The following ESR2 variants were observed in gnomAD, a reference collection of about 807,000 sequenced individuals.
ESR2 encodes the protein estrogen receptor beta.
In ESR2, 36 loss-of-function variants were observed where a neutral mutation model predicts 49.6. The observed-to-expected ratio is 0.73, with a 90% CI of 0.56 to 0.96. ESR2 has a LOEUF of 0.96. ESR2 is among the 40% of genes least tolerant of loss of function. The pLI is 0.00. For synonymous variants in ESR2, 320 were observed against 266.1 expected, an observed-to-expected ratio of 1.20 and a Z score of -1.97; for missense variants, 714 against 693.0, an observed-to-expected ratio of 1.03 and a Z score of -0.34.
In ESR2 at chr14:64,231,535, C is replaced by G. The variant is rs2098727244; in HGVS notation, c.*1602G>C. On this transcript the variant is annotated 3_prime_UTR_variant, in exon 9 of 9. Coordinates refer to ENST00000341099, the MANE Select transcript of ESR2 (RefSeq NM_001437.3). ...TCCAAGCATTTCTGAAACAGCTAAG[C>G]TCAACTTATAGTAAAATTGCACCAA... 1 of 152,210 alleles carries G rather than the reference C, an allele frequency of 6.6e-6. No homozygotes were observed. The highest frequency in any genetic ancestry group is 6.5e-5 in the Admixed American group (1 of 15,280). The allele number at this position is 152,210 out of a possible 1,614,324, so 9.4% of individuals were successfully genotyped here. A position where few individuals can be genotyped will look rare whatever the true frequency, so the allele number is the denominator to read the frequency against.
Position 64,254,068 on chromosome 14 carries a change from T to C in ESR2, c.1091+3158A>G, listed in dbSNP as rs2076048370. Among the ~76,000 whole-genome samples the C allele has an allele frequency of 2.0e-5, 3 of 152,256 alleles. No individual in the cohort carries two copies. The South Asian group carries it at 6.2e-4, about 32-fold the overall frequency. ...CTGAAGTAATGAGATTTTCCTCTCA[T>C]CCTCAGTAGACACAAGTTTTCTTGT... On this transcript the variant is annotated intron_variant, in intron 6 of 8. Transcript: ENST00000341099.
intron 3 of ESR2, among the ~76,000 whole-genome samples, chr14:64,272,110 G>T (rs1314506826): frequency 2.0e-5 from 3 of 152,138 alleles, no homozygotes; most frequent in Admixed American, 6.5e-5. Flanking sequence ...GGGTAAGATG[G>T]TATCTCATTG....
At chr14:64,253,986 T>C (rs2076046761) in intron 6 of ESR2, among the ~76,000 whole-genome samples, 1 of 152,280 alleles carries the variant, frequency 6.6e-6, no homozygotes, top group Middle Eastern at 3.4e-3. Flanking sequence ...GATCTTCACG[T>C]GAATTTATGA....
rs779443173 is a variant in ESR2 at position 64,280,091 on chromosome 14, G to A, written c.425C>T (p.Ser142Leu). Residue 142 changes from serine to leucine, a missense_variant, in exon 3 of 9, where the codon TCA (serine) becomes TTA (leucine). Transcript: ENST00000341099. The part of the protein sequence containing the change: ...RCASPVTGPG[S>L]KRDAHFCAVC... The stretch of plus-strand genomic sequence containing the variant: ...AGCGCAGAAGTGAGCATCCCTCTTT[G>A]AACCTGGACCAGTAACAGGGCTGGC... 2.5e-6 allele frequency: 4 copies of A among 1,614,002 alleles called. No individual in the cohort carries two copies. The highest frequency in any genetic ancestry group is 3.4e-6 in the Non-Finnish European group (4 of 1,179,924).
Position 64,244,936 on chromosome 14 carries a change from G to A in ESR2, c.1225+4610C>T, listed in dbSNP as rs376504515. 4.5e-4 allele frequency among the ~76,000 whole-genome samples: 69 copies of A among 152,262 alleles called. 1 individual carries two copies. The South Asian group carries it at 5.0e-3, about 11-fold the overall frequency. On this transcript the variant is annotated intron_variant, in intron 7 of 8. Transcript: ENST00000341099. ...ACTGGACAATCAAAGGGCTCTCCTC[G>A]TTTGTGTCCCTCCTCCTGGGGATCA...
chr14:64,241,132 C>T (rs575057080), intron 7 of ESR2, among the ~76,000 whole-genome samples: 3 of 115,252 alleles, frequency 2.6e-5, no homozygotes, highest in East Asian at 3.4e-4. Flanking sequence ...GGCCACAGAG[C>T]GAGACTCCGT....
chr14:64,233,537 A>T, intron 8 of ESR2: 1 of 553,606 alleles, frequency 1.8e-6, no homozygotes, highest in Non-Finnish European at 3.2e-6. Context: ...GTGTCCCACC[A>T]CACACCTACA....
chr14:64,291,330 C>A (rs1306893800), intron 1 of ESR2, among the ~76,000 whole-genome samples: 1 of 152,194 alleles, frequency 6.6e-6, no homozygotes, highest in African/African-American at 2.4e-5. Flanking sequence ...TACACCCACA[C>A]AAAGATTCTC....
intron 1 of ESR2, among the ~76,000 whole-genome samples, chr14:64,304,257 A>G (rs2077062556): frequency 6.6e-6 from 1 of 152,096 alleles, no homozygotes; most frequent in South Asian, 2.1e-4. Context: ...GCAGTGAGCT[A>G]TGACTGCCAC....
At chr14:64,326,022 G>T (rs1310331727) in intron 1 of ESR2, among the ~76,000 whole-genome samples, 1 of 150,548 alleles carries the variant, frequency 6.6e-6, no homozygotes, top group Non-Finnish European at 1.5e-5. Flanking sequence ...CCTAACCCCA[G>T]ATTATTAAAG....
At chr14:64,284,691 C>G (rs923862116) in intron 1 of ESR2, among the ~76,000 whole-genome samples, 2 of 152,228 alleles carry the variant, frequency 1.3e-5, no homozygotes, top group East Asian at 1.9e-4. Context: ...CCACTCATTT[C>G]CTATTTGTGT....
chr14:64,291,547 T>A (rs962993563), intron 1 of ESR2, among the ~76,000 whole-genome samples: 3 of 152,224 alleles, frequency 2.0e-5, no homozygotes, highest in African/African-American at 4.8e-5. Flanking sequence ...ATTTTATATA[T>A]ATATATGTTA....
Position 64,248,341 on chromosome 14 carries a change from C to CA in ESR2, c.1225+1204dup, listed in dbSNP as rs55687630. Among the ~76,000 whole-genome samples, 13 of 150,274 alleles carry CA rather than the reference C, an allele frequency of 8.7e-5. No homozygotes were observed. In the South Asian group the frequency reaches 1.1e-3, roughly 12 times the overall value. ...GCAACACAGCAAGATTCTGTCTCTA[C>CA]AAAAAAAAATTGTTTTAATTAACCA... On this transcript the variant is annotated intron_variant, in intron 7 of 8. Transcript: ENST00000341099.
rs1012298323 is a variant in ESR2, at chr14:64,228,816, A to C, written c.*4321T>G. 4.0e-5 allele frequency among the ~76,000 whole-genome samples: 6 copies of C among 151,850 alleles called. No individual in the cohort carries two copies. The highest frequency in any genetic ancestry group is 1.3e-4 in the Admixed American group (2 of 15,268). Reference sequence around the variant, plus strand: ...AAAAACAAACAAACAAACAAACAAAAAACCTCCCTGACTCCAAAGCAACAA... The same window carrying C: ...AAAAACAAACAAACAAACAAACAAACAACCTCCCTGACTCCAAAGCAACAA... On this transcript the variant is annotated 3_prime_UTR_variant, in exon 9 of 9. Transcript: ENST00000341099.
At chr14:64,227,645 T>G, downstream of ESR2, 1 of 1,613,346 alleles carries the variant, frequency 6.2e-7, no homozygotes, top group Non-Finnish European at 8.5e-7. Context: ...AAGTCAAAGT[T>G]GCAGTGAAAG....
intron 4 of ESR2, among the ~76,000 whole-genome samples, chr14:64,266,640 T>TAAA (rs2076335099): frequency 6.6e-6 from 1 of 152,230 alleles, no homozygotes; most frequent in Non-Finnish European, 1.5e-5. Flanking sequence ...GCTTTCTCTT[T>TAAA]AAGCATCTGG....
At position 64,233,325 on chromosome 14, in the gene ESR2, T is replaced by C. The variant is rs756019413; in HGVS notation, c.1407-2A>G. On this transcript the variant is annotated splice_acceptor_variant, in intron 8 of 8. Coordinates refer to ENST00000341099, the MANE Select transcript of ESR2 (RefSeq NM_001437.3). LOFTEE classifies it high-confidence loss of function. ...AGCAGATGTTCCATGCCCTTGTTACTATGGGGACAAAAAGGTGCTGAGATT... is the reference window on the plus strand; with the variant it reads ...AGCAGATGTTCCATGCCCTTGTTACCATGGGGACAAAAAGGTGCTGAGATT... 1 of 1,606,978 alleles carries C rather than the reference T, an allele frequency of 6.2e-7. No homozygotes were observed. The highest frequency in any genetic ancestry group is 8.5e-7 in the Non-Finnish European group (1 of 1,174,002).
chr14:64,327,835 C>A (rs1387438893), intron 1 of ESR2, among the ~76,000 whole-genome samples: 1 of 151,904 alleles, frequency 6.6e-6, no homozygotes, highest in Non-Finnish European at 1.5e-5. Flanking sequence ...CACCACTGCA[C>A]TCCAGCCTGG....
In ESR2 at chr14:64,233,045, A is replaced by G. The variant is rs2098728757; in HGVS notation, c.*92T>C. On this transcript the variant is annotated 3_prime_UTR_variant, in exon 9 of 9. Transcript: ENST00000341099. ...CTGCCATCACCAAATGAGGGACCAC[A>G]CAGCAGAAAGATGAAGCCCAGGCTC... is the stretch of plus-strand genomic sequence containing the variant. The G allele has an allele frequency of 2.6e-6, 4 of 1,522,918 alleles. No homozygotes were observed. In the African/African-American group the frequency reaches 5.5e-5, roughly 21 times the overall value. 94.3% of individuals were successfully genotyped at this position (1,522,918 alleles called of 1,614,324 possible).
Sources: gnomAD v4.1 joint callset for allele counts (sites outside exome capture counted in the v4.1 genomes callset) on GRCh38, gnomAD v4.1.1 for gene constraint, MANE v1.5 for transcripts, NCBI Gene and HGNC (gene_info 2026-07-23, HGNC 2026-07-21) for gene names.